CNPY3: variants seen among roughly 807,000 people sequenced by gnomAD.
The protein encoded by CNPY3 is protein canopy homolog 3.
In CNPY3, 20 loss-of-function variants were observed where a neutral mutation model predicts 32.0. That is an observed-to-expected ratio of 0.63 (90% confidence interval 0.44 to 0.91). CNPY3 has a LOEUF of 0.91. Ranked by LOEUF, CNPY3 falls within the 40% of genes least tolerant of loss-of-function variation. The pLI is 0.00. For synonymous variants in CNPY3, 138 were observed against 142.9 expected (o/e 0.97, Z 0.24); for missense variants, 299 against 340.8 (o/e 0.88, Z 0.97).
chr6:42,934,376 A>G (rs534291319), intron 1 of CNPY3, 99 bp from the exon 2 acceptor site: 119 of 1,489,246 alleles, frequency 8.0e-5, no homozygotes, highest in Non-Finnish European at 1.1e-4. Context: ...TTGGTCCTCC[A>G]GTCTAGGAAA....
intron 5 of CNPY3, among the ~76,000 whole-genome samples, 180 bp from the exon 6 acceptor site, chr6:42,938,388 G>A (rs1276308850): frequency 6.6e-6 from 1 of 152,178 alleles, no homozygotes; most frequent in East Asian, 1.9e-4. Flanking sequence ...CAGAATGATG[G>A]GCAGACAAGT....
At chr6:42,932,517 A>T (rs1368483903) in intron 1 of CNPY3, among the ~76,000 whole-genome samples, 4 of 152,170 alleles carry the variant, frequency 2.6e-5, no homozygotes, top group Non-Finnish European at 5.9e-5. Flanking sequence ...TGAAGAGGTA[A>T]TGTTTGGAAG....
intron 5 of CNPY3, 101 bp from the exon 6 acceptor site, chr6:42,938,467 A>G: frequency 8.7e-7 from 1 of 1,146,934 alleles, no homozygotes; most frequent in South Asian, 1.5e-5. Flanking sequence ...TGTCAAGCAC[A>G]GTCCCAGTTG....
At chr6:42,930,538 C>G (rs1487519932) in intron 1 of CNPY3, among the ~76,000 whole-genome samples, 3 of 150,226 alleles carry the variant, frequency 2.0e-5, no homozygotes, top group Non-Finnish European at 4.5e-5. Flanking sequence ...TGAGGAACTA[C>G]AGAGAGAGAG....
intron 1 of CNPY3, among the ~76,000 whole-genome samples, chr6:42,930,598 T>G (rs897593266): frequency 2.0e-5 from 3 of 152,190 alleles, no homozygotes; most frequent in Non-Finnish European, 4.4e-5. Context: ...TATTTCTTTT[T>G]CCTCAACTCC....
chr6:42,935,759 G>A, intron 3 of CNPY3, 89 bp downstream of exon 3: 2 of 1,381,950 alleles, frequency 1.4e-6, no homozygotes, highest in Non-Finnish European at 2.0e-6. Flanking sequence ...ATTTGAAGAT[G>A]ACCACCTGGG....
chr6:42,929,717 CGAAGG>C lies in CNPY3; in HGVS notation c.148_151+1del. 1 of 1,545,624 alleles carries C rather than the reference CGAAGG, an allele frequency of 6.5e-7. No individual in the cohort carries two copies. Among genetic ancestry groups the C allele is most frequent in the East Asian group, 2.4e-5 (1 of 40,836 alleles). On this transcript the variant is annotated splice_donor_variant and coding_sequence_variant, in exon 1 of 6. Transcript: ENST00000372836. LOFTEE classifies it high-confidence loss of function. ...ACTGGGTTCGCCTGCCCAGCAAATG[CGAAGG>C]TGAGGAGGCGGGGCCCGTGGGGCGT...
intron 1 of CNPY3, among the ~76,000 whole-genome samples, chr6:42,934,075 A>G (rs1266041931): frequency 3.3e-5 from 5 of 152,152 alleles, no homozygotes; most frequent in Admixed American, 1.3e-4. Context: ...AGGCTGAGGC[A>G]GGAGAATCGC....
chr6:42,929,438 G>A, upstream of CNPY3: 1 of 959,580 alleles, frequency 1.0e-6, no homozygotes, highest in Non-Finnish European at 1.5e-6. Context: ...AGGAGGGCGG[G>A]CGGGAGGCTA....
upstream of CNPY3, among the ~76,000 whole-genome samples, chr6:42,928,443 C>T (rs866381340): frequency 6.6e-6 from 1 of 151,790 alleles, no homozygotes; most frequent in South Asian, 2.1e-4. Context: ...GGCGCCTGGC[C>T]TTTTTCTTCT....
At chr6:42,931,489 C>A (rs1040537511) in intron 1 of CNPY3, among the ~76,000 whole-genome samples, 1 of 151,620 alleles carries the variant, frequency 6.6e-6, no homozygotes, top group East Asian at 1.9e-4. Flanking sequence ...TCTACCTCAG[C>A]CTCCCGAGTA....
chr6:42,934,758 C>T (rs1015757449), intron 2 of CNPY3, among the ~76,000 whole-genome samples, 160 bp downstream of exon 2: 15 of 152,222 alleles, frequency 9.9e-5, no homozygotes, highest in Non-Finnish European at 1.5e-5. Context: ...AATTGGGTGA[C>T]GTGCATAAAT....
At chr6:42,935,010 A>G (rs1175256542) in intron 2 of CNPY3, among the ~76,000 whole-genome samples, 1 of 152,226 alleles carries the variant, frequency 6.6e-6, no homozygotes, top group East Asian at 1.9e-4. Flanking sequence ...GATTACAGGC[A>G]TGTGCCATCA....
At chr6:42,933,656 G>A (rs1767996174) in intron 1 of CNPY3, among the ~76,000 whole-genome samples, 2 of 152,080 alleles carry the variant, frequency 1.3e-5, no homozygotes, top group South Asian at 2.1e-4. Context: ...TGTAGGAGGA[G>A]GTCTTTTTTC....
intron 1 of CNPY3, among the ~76,000 whole-genome samples, chr6:42,934,206 A>C (rs1025917741): frequency 1.4e-4 from 22 of 152,222 alleles, no homozygotes; most frequent in African/African-American, 5.3e-4. Context: ...ATTTACAGTA[A>C]GTACATGCTC....
intron 3 of CNPY3, among the ~76,000 whole-genome samples, chr6:42,937,249 CA>C (rs1581715898): frequency 2.0e-5 from 3 of 152,076 alleles, no homozygotes; most frequent in South Asian, 2.1e-4. Flanking sequence ...AGAGGCAGAT[CA>C]GGGGGTATAT....
rs376506809 is a variant in CNPY3, at chr6:42,935,558, C to T, written c.276-16C>T. ...CTAGGAGGGGAACTCAGTTCCTCAT[C>T]CTCCTGTCTTGGCAGGGACTTGCGG... On this transcript the variant is annotated splice_polypyrimidine_tract_variant and intron_variant, in intron 2 of 5. Coordinates refer to ENST00000372836, the MANE Select transcript of CNPY3 (RefSeq NM_006586.5). The T allele has an allele frequency of 1.2e-5, 19 of 1,602,026 alleles. No individual in the cohort carries two copies. Among genetic ancestry groups the T allele is most frequent in the Non-Finnish European group, 1.6e-5 (19 of 1,170,192 alleles).
intron 1 of CNPY3, among the ~76,000 whole-genome samples, chr6:42,932,461 A>T (rs1188930832): frequency 6.6e-6 from 1 of 152,112 alleles, no homozygotes; most frequent in Non-Finnish European, 1.5e-5. Context: ...CTGTGCCGTG[A>T]ATCTCCTGTG....
chr6:42,929,609 GCTT>G lies in CNPY3; in HGVS notation c.44_46del (p.Leu15del), dbSNP rs1424890604. 1 of 1,569,564 alleles carries G rather than the reference GCTT, an allele frequency of 6.4e-7. No individual in the cohort carries two copies. Among genetic ancestry groups the G allele is most frequent in the East Asian group, 2.3e-5 (1 of 42,896 alleles). On this transcript the variant is annotated inframe_deletion, in exon 1 of 6. Coordinates refer to ENST00000372836, the MANE Select transcript of CNPY3 (RefSeq NM_006586.5). ...CTGAGCCCGCGTCCCGCTGTCTTCT[GCTT>G]CTTCCCTTGCTGCTGCTGCTGCTGC... is the stretch of plus-strand genomic sequence containing the variant.
Sources: gnomAD v4.1 joint callset for allele counts (sites outside exome capture counted in the v4.1 genomes callset) on GRCh38, gnomAD v4.1.1 for gene constraint, MANE v1.5 for transcripts, NCBI Gene and HGNC (gene_info 2026-07-23, HGNC 2026-07-21) for gene names.